RIMS1: variants seen among roughly 807,000 people sequenced by gnomAD.
The protein encoded by RIMS1 is regulating synaptic membrane exocytosis 1.
Under a neutral mutation model 214.1 loss-of-function variants are expected in RIMS1, and 83 were observed. The observed-to-expected ratio is 0.39, with a 90% CI of 0.32 to 0.47. The LOEUF (loss-of-function observed/expected upper bound fraction) is 0.47. Ranked by LOEUF, RIMS1 falls within the 20% of genes least tolerant of loss-of-function variation. The pLI, the probability that RIMS1 is intolerant of heterozygous loss-of-function variation, is 0.99. For synonymous variants in RIMS1, 793 were observed against 786.8 expected (o/e 1.01, Z -0.13); for missense variants, 2,050 against 2,161.8 (o/e 0.95, Z 1.03).
intron 2 of RIMS1, among the ~76,000 whole-genome samples, chr6:72,043,324 T>A (rs1234091571): frequency 6.6e-6 from 1 of 151,900 alleles, no homozygotes; most frequent in African/African-American, 2.4e-5. Flanking sequence ...TTTATAGTTG[T>A]CATTTTTATC....
At chr6:71,964,641 G>C (rs1793934101) in intron 1 of RIMS1, among the ~76,000 whole-genome samples, 1 of 152,078 alleles carries the variant, frequency 6.6e-6, no homozygotes, top group South Asian at 2.1e-4. Flanking sequence ...ATGTAGTTAT[G>C]ATCAGCCACG....
chr6:72,121,184 G>A (rs1052295703), intron 4 of RIMS1, among the ~76,000 whole-genome samples: 2 of 151,844 alleles, frequency 1.3e-5, no homozygotes, highest in Admixed American at 1.3e-4. Context: ...TTCCAATTCT[G>A]TGAAGAAAAT....
At chr6:71,944,430 C>G (rs1041656103) in intron 1 of RIMS1, among the ~76,000 whole-genome samples, 46 of 152,116 alleles carry the variant, frequency 3.0e-4, no homozygotes, top group African/African-American at 1.1e-3. Flanking sequence ...CTTGTCGGGG[C>G]ATAACGTGCA....
intron 28 of RIMS1, among the ~76,000 whole-genome samples, chr6:72,327,236 T>G (rs182375126): frequency 6.6e-6 from 1 of 151,970 alleles, no homozygotes; most frequent in African/African-American, 2.4e-5. Context: ...CTTTTCCATT[T>G]AATGCTTAAT....
At chr6:71,970,671 G>A (rs939275026) in intron 2 of RIMS1, among the ~76,000 whole-genome samples, 2 of 152,284 alleles carry the variant, frequency 1.3e-5, no homozygotes, top group Admixed American at 6.5e-5. Flanking sequence ...TTTAGTGGCC[G>A]AGAAGAAGCA....
At chr6:72,136,814 G>A (rs913648907) in intron 4 of RIMS1, among the ~76,000 whole-genome samples, 5 of 151,956 alleles carry the variant, frequency 3.3e-5, no homozygotes, top group African/African-American at 1.2e-4. Flanking sequence ...AAAATTGACA[G>A]CCATTTCTAA....
intron 29 of RIMS1, 109 bp from the exon 30 acceptor site, chr6:72,390,489 A>T: frequency 1.6e-6 from 2 of 1,243,352 alleles, no homozygotes; most frequent in Non-Finnish European, 2.2e-6. Flanking sequence ...TTTTCTGATT[A>T]AATTTGTAAT....
At chr6:72,069,162 A>C (rs1161020007) in intron 2 of RIMS1, among the ~76,000 whole-genome samples, 1 of 152,184 alleles carries the variant, frequency 6.6e-6, no homozygotes, top group East Asian at 1.9e-4. Flanking sequence ...TTAATGCTCT[A>C]CTGAGTTGGG....
intron 4 of RIMS1, among the ~76,000 whole-genome samples, chr6:72,111,602 G>C (rs770719658): frequency 6.6e-6 from 1 of 152,056 alleles, no homozygotes; most frequent in Non-Finnish European, 1.5e-5. Context: ...GTTTGTTTTT[G>C]GACTTTTATA....
intron 1 of RIMS1, among the ~76,000 whole-genome samples, chr6:71,943,964 A>G (rs961694477): frequency 1.3e-5 from 2 of 152,230 alleles, no homozygotes; most frequent in African/African-American, 2.4e-5. Flanking sequence ...TAGAAATTTT[A>G]ACGTGTAATA....
chr6:72,001,145 G>C (rs1036653311), intron 2 of RIMS1, among the ~76,000 whole-genome samples: 8 of 152,030 alleles, frequency 5.3e-5, no homozygotes, highest in African/African-American at 1.7e-4. Flanking sequence ...GAGGAAACTT[G>C]ATCTCCTTAG....
chr6:72,057,647 A>G (rs1401859077), intron 2 of RIMS1, among the ~76,000 whole-genome samples: 2 of 151,890 alleles, frequency 1.3e-5, no homozygotes, highest in African/African-American at 2.4e-5. Context: ...AGCTGGGACT[A>G]CAGGCGCCCG....
chr6:72,216,956 CTGTTT>C, intron 6 of RIMS1: 1 of 1,352,872 alleles, frequency 7.4e-7, no homozygotes, highest in Admixed American at 3.2e-5. Context: ...CTGCAGAGAT[CTGTTT>C]TGATGACAGC....
In RIMS1 at chr6:72,242,294, C is replaced by A. The variant is rs1213243958; in HGVS notation, c.1958-20C>A. 1 of 1,520,636 alleles carries A rather than the reference C, an allele frequency of 6.6e-7. No individual in the cohort carries two copies. The highest frequency in any genetic ancestry group is 8.9e-7 in the Non-Finnish European group (1 of 1,124,498). 94.2% of individuals were successfully genotyped at this position (1,520,636 alleles called of 1,614,324 possible). ...ACAGAATATATAAGGTAAAAAAATA[C>A]CCTTTTTTTTAAATTCAAGGGGATG... is the stretch of plus-strand genomic sequence containing the variant. On this transcript the variant is annotated intron_variant, in intron 9 of 33. Transcript: ENST00000521978.
intron 2 of RIMS1, among the ~76,000 whole-genome samples, chr6:72,051,314 AG>A (rs1337762434): frequency 6.6e-6 from 1 of 152,126 alleles, no homozygotes; most frequent in Non-Finnish European, 1.5e-5. Context: ...TGTTTTGTGA[AG>A]GGTAGGGAGA....
intron 2 of RIMS1, among the ~76,000 whole-genome samples, chr6:71,994,608 T>C (rs1802839979): frequency 6.6e-6 from 1 of 152,214 alleles, no homozygotes; most frequent in South Asian, 2.1e-4. Flanking sequence ...CTTATCCAAA[T>C]GGTATTTTTC....
Position 72,291,993 on chromosome 6 carries a change from G to C in RIMS1, c.3797G>C (p.Arg1266Pro). The C allele has an allele frequency of 6.4e-7, 1 of 1,564,184 alleles. No individual in the cohort carries two copies. The highest frequency in any genetic ancestry group is 8.7e-7 in the Non-Finnish European group (1 of 1,154,382). Reference sequence around the variant, plus strand: ...CCAGCAGACACATCGTTCAGCAGTCGCAGGGGAAGACAGCTCCCACAAGTG... The same window carrying C: ...CCAGCAGACACATCGTTCAGCAGTCCCAGGGGAAGACAGCTCCCACAAGTG... ...SPPADTSFSSRRGRQLPQVPV... is the reference protein window; with the variant it reads ...SPPADTSFSSPRGRQLPQVPV... The change falls in exon 26 of 34, where the codon CGC (arginine) becomes CCC (proline). Residue 1266 changes from arginine to proline, a missense_variant. By Grantham distance (103) the Arg-to-Pro change is moderately radical (BLOSUM62 -2). Coordinates refer to ENST00000521978, the MANE Select transcript of RIMS1 (RefSeq NM_014989.7).
chr6:72,295,178 A>G (rs192638576), intron 26 of RIMS1, among the ~76,000 whole-genome samples: 1 of 151,770 alleles, frequency 6.6e-6, no homozygotes, highest in Non-Finnish European at 1.5e-5. Context: ...TATATCACCT[A>G]TCTAAAACTC....
At chr6:72,264,208 T>C (rs34354310) in intron 19 of RIMS1, among the ~76,000 whole-genome samples, 4,289 of 152,270 alleles carry the variant, frequency 0.028, 77 homozygotes, top group Middle Eastern at 0.075. Flanking sequence ...GTAATTAAAT[T>C]TATAGAACAT....
Sources: allele counts gnomAD v4.1 joint callset (sites outside exome capture counted in the v4.1 genomes callset), GRCh38; gene constraint gnomAD v4.1.1; transcripts MANE v1.5; gene names NCBI Gene and HGNC (gene_info 2026-07-23, HGNC 2026-07-21).